The following NT5C1A variants were observed in gnomAD, a reference collection of about 807,000 sequenced individuals.
NT5C1A encodes 5'-nucleotidase, cytosolic IA.
NT5C1A carries 18 observed loss-of-function variants against 31.0 expected under a neutral mutation model. That is an observed-to-expected ratio of 0.58 (90% CI 0.40 to 0.86). The LOEUF (loss-of-function observed/expected upper bound fraction) is 0.86. Among genes scored for constraint, NT5C1A ranks in the 40% least tolerant of loss-of-function variants. The probability of loss-of-function intolerance (pLI) is 0.00; values close to 1 mark genes in which losing one functional copy is unlikely to be tolerated. For missense variants in NT5C1A, 470 were observed against 505.4 expected (o/e 0.93, Z 0.67); for synonymous variants, 185 against 203.6 (o/e 0.91, Z 0.78).
chr1:39,668,344 C>T (rs993453462), intron 1 of NT5C1A, among the ~76,000 whole-genome samples: 5 of 152,236 alleles, frequency 3.3e-5, no homozygotes. Context: ...ACCCTGGCAG[C>T]CAGCTAAGGT....
In NT5C1A at chr1:39,651,665, A is replaced by G. The variant is rs180747445; in HGVS notation, c.*7456T>C. Among the ~76,000 whole-genome samples, 214 of 152,296 alleles carry G rather than the reference A, an allele frequency of 1.4e-3. 1 individual carries two copies. Among genetic ancestry groups the G allele is most frequent in the African/African-American group, 5.0e-3 (207 of 41,564 alleles). On this transcript the variant is annotated 3_prime_UTR_variant, in exon 6 of 6. Coordinates refer to ENST00000235628, the MANE Select transcript of NT5C1A (RefSeq NM_032526.3). ...CAGGTTTCATTTTTCATCGTATTCT[A>G]TATCGGAGGTTATTGAGATGCTCTT...
chr1:39,659,473 C>T lies in NT5C1A; in HGVS notation c.755G>A (p.Gly252Asp), dbSNP rs760019528. The change falls in exon 6 of 6, where the codon GGC (glycine) becomes GAC (aspartate). Residue 252 changes from glycine (G) to aspartate (D), a missense_variant. By Grantham distance (94) the Gly-to-Asp change is moderately conservative. Coordinates refer to ENST00000235628, the MANE Select transcript of NT5C1A (RefSeq NM_032526.3). ...CAACCTACCCAGTGCCTCCAGAAAG[C>T]CCTTTAAGGGGCCCTATGAGAAGGC... is the stretch of plus-strand genomic sequence containing the variant. The part of the protein sequence containing the change: ...NKPLAQGPLK[G>D]FLEALGRLQK... 3 of 1,576,832 alleles carry T rather than the reference C, an allele frequency of 1.9e-6. No individual in the cohort carries two copies. In the South Asian group the frequency reaches 3.5e-5, roughly 18 times the overall value.
intron 4 of NT5C1A, among the ~76,000 whole-genome samples, chr1:39,661,642 G>A (rs1174437637): frequency 6.6e-6 from 1 of 152,200 alleles, no homozygotes; most frequent in Non-Finnish European, 1.5e-5. Flanking sequence ...CTGTGGACCA[G>A]CCAAACATGA....
intron 4 of NT5C1A, among the ~76,000 whole-genome samples, chr1:39,661,814 G>T (rs368253552): frequency 3.3e-5 from 5 of 152,202 alleles, no homozygotes; most frequent in African/African-American, 1.2e-4. Context: ...GTAAAATTAA[G>T]GGCCTCTCAG....
chr1:39,663,511 A>G, intron 3 of NT5C1A, 77 bp from the exon 4 acceptor site: 9 of 1,479,394 alleles, frequency 6.1e-6, no homozygotes. Flanking sequence ...TGCCCAGTGC[A>G]CACCATCCTA....
At chr1:39,667,459 G>A (rs1646529595) in intron 1 of NT5C1A, among the ~76,000 whole-genome samples, 1 of 152,140 alleles carries the variant, frequency 6.6e-6, no homozygotes, top group Admixed American at 6.5e-5. Context: ...TCTGTGTCCT[G>A]AGCAGTCCTG....
chr1:39,669,040 G>A (rs1334869137), intron 1 of NT5C1A, among the ~76,000 whole-genome samples: 4 of 152,228 alleles, frequency 2.6e-5, no homozygotes, highest in African/African-American at 7.2e-5. Flanking sequence ...GTGGCCATGT[G>A]TTGGCAGGGG....
chr1:39,667,910 G>A (rs550250646), intron 1 of NT5C1A, among the ~76,000 whole-genome samples: 10 of 152,326 alleles, frequency 6.6e-5, no homozygotes, highest in Admixed American at 6.5e-5. Context: ...ACAGCTATAC[G>A]TGGCTAGTGG....
rs1371191038 is a variant in NT5C1A at position 39,652,115 on chromosome 1, C to A, written c.*7006G>T. ...TGAACACACAAAGGCTGAGCTAGGT[C>A]ATCTCTGAGGTCTCTTAAATATCCA... On this transcript the variant is annotated 3_prime_UTR_variant, in exon 6 of 6. Transcript: ENST00000235628. Among the ~76,000 whole-genome samples, 1 of 141,328 alleles carries A rather than the reference C, an allele frequency of 7.1e-6. No homozygotes were observed. Among genetic ancestry groups the A allele is most frequent in the African/African-American group, 2.6e-5 (1 of 38,868 alleles). 92.7% of individuals were successfully genotyped at this position (141,328 alleles called of 152,430 possible).
chr1:39,671,859 G>C, intron 1 of NT5C1A, 45 bp downstream of exon 1: 2 of 1,609,446 alleles, frequency 1.2e-6, no homozygotes, highest in Non-Finnish European at 1.7e-6. Context: ...CCTCCTCCGG[G>C]GTAACCCTTC....
Position 39,666,134 on chromosome 1 carries a change from C to G in NT5C1A, c.238G>C (p.Val80Leu). The change falls in exon 2 of 6, where the codon GTG (valine) becomes CTG (leucine). Residue 80 changes from valine to leucine, a missense_variant. Val to Leu is a conservative substitution (Grantham distance 32, BLOSUM62 1). Transcript: ENST00000235628. Reference sequence around the variant, plus strand: ...TTCTCATGTTCCAGCTGGTAGCGCACGTACTCCTCCACGCCCTGCTCCGTG... The same window carrying G: ...TTCTCATGTTCCAGCTGGTAGCGCAGGTACTCCTCCACGCCCTGCTCCGTG... ...IYTEQGVEEY[V>L]RYQLEHENEP... is the part of the protein sequence containing the mutation. The G allele has an allele frequency of 6.2e-7, 1 of 1,613,648 alleles. No homozygotes were observed. Among genetic ancestry groups the G allele is most frequent in the Non-Finnish European group, 8.5e-7 (1 of 1,180,008 alleles).
chr1:39,665,469 G>A (rs1028953132), intron 3 of NT5C1A, 52 bp downstream of exon 3: 7 of 1,548,194 alleles, frequency 4.5e-6, no homozygotes, highest in Middle Eastern at 2.1e-4. Context: ...TCCCTGGGGG[G>A]TCTGGTAGGG....
In NT5C1A at chr1:39,653,409, T is replaced by A. The variant is rs1254474119; in HGVS notation, c.*5712A>T. On this transcript the variant is annotated 3_prime_UTR_variant, in exon 6 of 6. Coordinates refer to ENST00000235628, the MANE Select transcript of NT5C1A (RefSeq NM_032526.3). ...ACACACACAGAGTCATTGGCTGAGA[T>A]ATCTGGCCCATTACACACACCCACA... 6.6e-6 allele frequency among the ~76,000 whole-genome samples: 1 copy of A among 152,118 alleles called. No individual in the cohort carries two copies. Among genetic ancestry groups the A allele is most frequent in the East Asian group, 1.9e-4 (1 of 5,184 alleles).
In NT5C1A at chr1:39,656,090, T is replaced by C. The variant is rs1273779108; in HGVS notation, c.*3031A>G. On this transcript the variant is annotated 3_prime_UTR_variant, in exon 6 of 6. Transcript: ENST00000235628. ...CTTAGTAACAGGGCTTCCATTTTTC[T>C]GCTAAGCAGCAGTCCCATTGGCTCT... Among the ~76,000 whole-genome samples the C allele has an allele frequency of 1.3e-5, 2 of 152,208 alleles. No individual in the cohort carries two copies. Among genetic ancestry groups the C allele is most frequent in the Non-Finnish European group, 2.9e-5 (2 of 68,042 alleles).
Position 39,663,393 on chromosome 1 carries a change from G to T in NT5C1A, c.475C>A (p.Pro159Thr), listed in dbSNP as rs1440386930. 1 of 1,614,080 alleles carries T rather than the reference G, an allele frequency of 6.2e-7. No individual in the cohort carries two copies. Among genetic ancestry groups the T allele is most frequent in the Non-Finnish European group, 8.5e-7 (1 of 1,180,002 alleles). Residue 159 changes from proline to threonine, a missense_variant, in exon 4 of 6, where the codon CCG (proline) becomes ACG (threonine). Pro to Thr is a conservative substitution (Grantham distance 38). Transcript: ENST00000235628. ...ERFCMTGGNS[P>T]ICYLKAYHTN... is the part of the protein sequence containing the mutation. ...TGATAGGCCTTGAGGTAGCAGATCG[G>T]GCTGTTCCCACCTGTCATGCAGAAC...
At chr1:39,664,490 C>CCTCTCCT (rs1553485417) in intron 3 of NT5C1A, among the ~76,000 whole-genome samples, 54 of 2,898 alleles carry the variant, frequency 0.019, 2 homozygotes, top group Non-Finnish European at 0.024. Flanking sequence ...GTGGATTTCT[C>CCTCTCCT]CTCCTCTCCT....
chr1:39,670,061 A>G (rs1040506010), intron 1 of NT5C1A, among the ~76,000 whole-genome samples: 1 of 152,222 alleles, frequency 6.6e-6, no homozygotes, highest in African/African-American at 2.4e-5. Context: ...TACCAGATAT[A>G]ACATATATAA....
intron 1 of NT5C1A, among the ~76,000 whole-genome samples, chr1:39,670,629 T>C (rs1646545769): frequency 6.6e-6 from 1 of 152,216 alleles, no homozygotes; most frequent in East Asian, 1.9e-4. Flanking sequence ...TCCAGACTCC[T>C]TAACATGATC....
At chr1:39,659,811 G>T (rs1646483951) in intron 5 of NT5C1A, among the ~76,000 whole-genome samples, 2 of 152,120 alleles carry the variant, frequency 1.3e-5, no homozygotes, top group South Asian at 4.1e-4. Context: ...CCATCAACAG[G>T]GGGGATATTA....
Sources: allele counts gnomAD v4.1 joint callset (sites outside exome capture counted in the v4.1 genomes callset), GRCh38; gene constraint gnomAD v4.1.1; transcripts MANE v1.5; gene names NCBI Gene and HGNC (gene_info 2026-07-23, HGNC 2026-07-21).